FABP12: variants seen among roughly 807,000 people sequenced by gnomAD.
FABP12 encodes the protein fatty acid-binding protein 12.
In FABP12, 19 loss-of-function variants were observed where a neutral mutation model predicts 13.7. That is an observed-to-expected ratio of 1.39 (90% CI 0.97 to 2.04). FABP12 has a LOEUF of 2.04. FABP12 is among the 30% of genes most tolerant of loss of function. FABP12 has a pLI of 0.00. For missense variants in FABP12, 182 were observed against 164.2 expected, an observed-to-expected ratio of 1.11 and a Z score of -0.59; for synonymous variants, 61 against 57.0, an observed-to-expected ratio of 1.07 and a Z score of -0.32.
chr8:81,589,294 T>C (rs1810286570), intron 1 of FABP12, among the ~76,000 whole-genome samples: 1 of 152,204 alleles, frequency 6.6e-6, no homozygotes, highest in Non-Finnish European at 1.5e-5. Context: ...GGGTCATTCA[T>C]GCCTATAATC....
intron 1 of FABP12, among the ~76,000 whole-genome samples, chr8:81,575,588 T>C (rs564453863): frequency 6.6e-6 from 1 of 152,294 alleles, no homozygotes; most frequent in East Asian, 1.9e-4. Flanking sequence ...TTGCTGTCTA[T>C]CTTATTTCTT....
At chr8:81,527,207 T>C (rs929959320) in intron 3 of FABP12, 86 bp from the exon 4 acceptor site, 9 of 699,240 alleles carry the variant, frequency 1.3e-5, no homozygotes, top group Admixed American at 2.7e-5. Flanking sequence ...TTTTTAGCTG[T>C]TGTAATACTC....
At chr8:81,530,969 A>T (rs79592237) in intron 2 of FABP12, among the ~76,000 whole-genome samples, 4,998 of 152,286 alleles carry the variant, frequency 0.033, 123 homozygotes, top group Middle Eastern at 0.041. Context: ...TAATCATTTT[A>T]AAAAATAGTT....
intron 1 of FABP12, among the ~76,000 whole-genome samples, chr8:81,572,117 C>T (rs1335478977): frequency 2.0e-5 from 3 of 149,864 alleles, no homozygotes; most frequent in Non-Finnish European, 3.0e-5. Flanking sequence ...TCCCACTCTT[C>T]CCCCCCAAGT....
chr8:81,558,663 G>A (rs995070472), intron 1 of FABP12, among the ~76,000 whole-genome samples: 7 of 152,030 alleles, frequency 4.6e-5, no homozygotes, highest in African/African-American at 9.7e-5. Context: ...AGGCCGAGGC[G>A]GGCAGATTGT....
upstream of FABP12, among the ~76,000 whole-genome samples, chr8:81,536,306 T>C (rs960740015): frequency 6.6e-5 from 10 of 152,224 alleles, no homozygotes; most frequent in African/African-American, 2.4e-4. Context: ...ACACTTTTTC[T>C]TTCTATAGAA....
At chr8:81,566,541 C>T (rs997749400) in intron 1 of FABP12, among the ~76,000 whole-genome samples, 1 of 152,002 alleles carries the variant, frequency 6.6e-6, no homozygotes, top group Non-Finnish European at 1.5e-5. Context: ...GTGGTACATC[C>T]TATCAATAGA....
chr8:81,560,427 A>G (rs902469258), intron 1 of FABP12, among the ~76,000 whole-genome samples: 7 of 152,348 alleles, frequency 4.6e-5, no homozygotes, highest in African/African-American at 1.7e-4. Flanking sequence ...GGCATTTCTC[A>G]TCTTATTTTC....
At chr8:81,549,926 G>A (rs886919662) in intron 1 of FABP12, among the ~76,000 whole-genome samples, 2 of 152,150 alleles carry the variant, frequency 1.3e-5, no homozygotes, top group African/African-American at 4.8e-5. Context: ...TAGACAGATA[G>A]GAAAAGCTGC....
chr8:81,580,765 C>A (rs1810144034), intron 1 of FABP12, among the ~76,000 whole-genome samples: 1 of 151,778 alleles, frequency 6.6e-6, no homozygotes, highest in Non-Finnish European at 1.5e-5. Context: ...TTATGCCCAC[C>A]CACCCTGCCC....
chr8:81,544,206 A>C (rs28633639), intron 1 of FABP12, among the ~76,000 whole-genome samples: 40,310 of 152,074 alleles, frequency 0.27, 6,607 homozygotes, highest in African/African-American at 0.48. Flanking sequence ...TAACGAATTA[A>C]CGTTAACTGG....
intron 1 of FABP12, among the ~76,000 whole-genome samples, chr8:81,555,079 G>A (rs2130025256): frequency 2.0e-5 from 3 of 152,202 alleles, no homozygotes; most frequent in Middle Eastern, 6.8e-3. Context: ...AAAAAGTGAA[G>A]AGGAAAACAG....
chr8:81,529,632 T>C, intron 2 of FABP12, 22 bp from the exon 3 acceptor site: 1 of 1,596,186 alleles, frequency 6.3e-7, no homozygotes, highest in Non-Finnish European at 8.5e-7. Flanking sequence ...ATAAAAGGAG[T>C]ATTATCTTTT....
At chr8:81,570,371 G>A (rs1009679608) in intron 1 of FABP12, among the ~76,000 whole-genome samples, 1 of 152,296 alleles carries the variant, frequency 6.6e-6, no homozygotes. Flanking sequence ...CGAAGTTCTT[G>A]TTCTGCTACC....
At chr8:81,570,323 C>G (rs190428894) in intron 1 of FABP12, among the ~76,000 whole-genome samples, 154 of 152,340 alleles carry the variant, frequency 1.0e-3, no homozygotes, top group African/African-American at 3.7e-3. Context: ...CCCCGTTTGT[C>G]TTATAGCAGC....
intron 1 of FABP12, among the ~76,000 whole-genome samples, chr8:81,532,745 C>G (rs964933536): frequency 1.3e-5 from 2 of 152,228 alleles, no homozygotes; most frequent in African/African-American, 4.8e-5. Context: ...CACTTGAACC[C>G]AGGAAGCAGA....
chr8:81,528,617 G>C (rs959231797), intron 3 of FABP12, among the ~76,000 whole-genome samples: 2 of 152,122 alleles, frequency 1.3e-5, no homozygotes, highest in Admixed American at 1.3e-4. Context: ...CAACTGTCAT[G>C]ACCAAGCACG....
intron 1 of FABP12, among the ~76,000 whole-genome samples, chr8:81,571,439 C>G (rs1472225580): frequency 6.6e-6 from 1 of 152,226 alleles, no homozygotes; most frequent in Non-Finnish European, 1.5e-5. Context: ...ACGTGGGGCA[C>G]AGGGGACGCA....
intron 1 of FABP12, among the ~76,000 whole-genome samples, chr8:81,564,952 T>C (rs189412936): frequency 1.0e-3 from 154 of 151,838 alleles, no homozygotes; most frequent in African/African-American, 3.7e-3. Context: ...ACATTTCACA[T>C]GTAATGACAC....
Sources: allele counts gnomAD v4.1 joint callset (sites outside exome capture counted in the v4.1 genomes callset), GRCh38; gene constraint gnomAD v4.1.1; transcripts MANE v1.5; gene names NCBI Gene and HGNC (gene_info 2026-07-23, HGNC 2026-07-21).